The following KDM2B variants were observed in gnomAD, a reference collection of about 807,000 sequenced individuals.
KDM2B encodes the protein lysine demethylase 2B.
KDM2B carries 26 observed loss-of-function variants against 150.0 expected under a neutral mutation model. The ratio of observed to expected loss-of-function variants is 0.17; its 90% CI spans 0.13 to 0.24. KDM2B has a LOEUF of 0.24. Among genes scored for constraint, KDM2B ranks in the 10% least tolerant of loss-of-function variants. KDM2B has a pLI of 1.00. For missense variants in KDM2B, 1,265 were observed against 1,816.9 expected (o/e 0.70, Z 5.52); for synonymous variants, 734 against 729.5 (o/e 1.01, Z -0.10).
In KDM2B at chr12:121,467,163, C is replaced by A; in HGVS notation, c.1735-13819G>T. 6 of 1,123,712 alleles carry A rather than the reference C, an allele frequency of 5.3e-6. No individual in the cohort carries two copies. The highest frequency in any genetic ancestry group is 3.5e-5 in the South Asian group (2 of 56,910). The allele number at this position is 1,123,712 out of a possible 1,614,324, so 69.6% of individuals were successfully genotyped here. A position where few individuals can be genotyped will look rare whatever the true frequency, so the allele number is the denominator to read the frequency against. ...CCCCACCCCGGGCCGCCGACCTGGT[C>A]CGGCTCCGATTCATAGTCGTCGTCC... On this transcript the variant is annotated intron_variant, in intron 12 of 22. Coordinates refer to ENST00000377071, the MANE Select transcript of KDM2B (RefSeq NM_032590.5). The surrounding 1 kb of genome is among the most constrained non-coding windows in gnomAD (Gnocchi z 5.1).
chr12:121,495,896 G>A (rs1287767847), intron 11 of KDM2B, among the ~76,000 whole-genome samples: 1 of 151,646 alleles, frequency 6.6e-6, no homozygotes. Flanking sequence ...GGCTGCGTTG[G>A]ACGGACTGCC....
intron 22 of KDM2B, among the ~76,000 whole-genome samples, chr12:121,433,667 A>G (rs1472528194): frequency 3.3e-5 from 5 of 152,276 alleles, no homozygotes; most frequent in Non-Finnish European, 5.9e-5. Context: ...TACAGATTCA[A>G]TGAAATTGCT....
chr12:121,461,238 A>G (rs981216875), intron 12 of KDM2B, among the ~76,000 whole-genome samples: 8 of 152,152 alleles, frequency 5.3e-5, no homozygotes, highest in Non-Finnish European at 8.8e-5. Flanking sequence ...GAGATGTGAA[A>G]CTGCGTGACA....
downstream of KDM2B, among the ~76,000 whole-genome samples, chr12:121,426,544 C>G (rs1352872307): frequency 6.7e-6 from 1 of 148,834 alleles, no homozygotes; most frequent in East Asian, 2.0e-4. Flanking sequence ...CTTCTGGGCT[C>G]AAGCAGCCCT....
rs1020155742 is a variant in KDM2B at position 121,453,546 on chromosome 12, G to A, written c.1735-202C>T. On this transcript the variant is annotated intron_variant, in intron 12 of 22. Transcript: ENST00000377071. The surrounding 1 kb of genome is among the most constrained non-coding windows in gnomAD (Gnocchi z 6.4). ...GTTAAACGAGGTAATTCAGGTGAAC[G>A]CTAATCCAGTATGACTGGTGTCCTT... is the stretch of plus-strand genomic sequence containing the variant. 1.3e-5 allele frequency among the ~76,000 whole-genome samples: 2 copies of A among 152,220 alleles called. No individual in the cohort carries two copies. Among genetic ancestry groups the A allele is most frequent in the Non-Finnish European group, 2.9e-5 (2 of 68,040 alleles).
intron 12 of KDM2B, among the ~76,000 whole-genome samples, chr12:121,474,826 T>C (rs1881173509): frequency 6.6e-6 from 1 of 151,916 alleles, no homozygotes; most frequent in Admixed American, 6.6e-5. Context: ...GTGGTGCACA[T>C]CTGCAGTCCC....
intron 22 of KDM2B, 140 bp downstream of exon 22, chr12:121,439,717 C>T: frequency 1.5e-6 from 1 of 675,494 alleles, no homozygotes; most frequent in Non-Finnish European, 2.6e-6. Flanking sequence ...CCCCCCTGGA[C>T]TGGGCTGTCT....
chr12:121,546,775 G>A (rs1326817161), intron 6 of KDM2B, among the ~76,000 whole-genome samples: 1 of 149,728 alleles, frequency 6.7e-6, no homozygotes, highest in South Asian at 2.1e-4. Context: ...ATGCCATCTC[G>A]GCTCACTGTA....
intron 11 of KDM2B, among the ~76,000 whole-genome samples, chr12:121,502,782 A>C (rs1884695232): frequency 6.7e-6 from 1 of 149,212 alleles, no homozygotes; most frequent in East Asian, 1.9e-4. Flanking sequence ...AAAAAAAAAA[A>C]AAAAACTTAA....
chr12:121,477,134 G>GA (rs1555296914), intron 12 of KDM2B, among the ~76,000 whole-genome samples: 1 of 151,222 alleles, frequency 6.6e-6, no homozygotes, highest in African/African-American at 2.4e-5. Context: ...GTGCAGTGGT[G>GA]CCAATGATAG....
rs1170104503 is a variant in KDM2B, at chr12:121,453,408, A to G, written c.1735-64T>C. ...TGCAGGCACGGCCAGACCCCCGGAA[A>G]GGGTGTTAGGGAGCAAACTGTGTAC... On this transcript the variant is annotated intron_variant, in intron 12 of 22. Transcript: ENST00000377071. The surrounding 1 kb of genome is among the most constrained non-coding windows in gnomAD (Gnocchi z 6.4). 10 of 1,309,092 alleles carry G rather than the reference A, an allele frequency of 7.6e-6. No homozygotes were observed. Among genetic ancestry groups the G allele is most frequent in the Non-Finnish European group, 1.0e-5 (10 of 957,120 alleles). 81.1% of individuals were successfully genotyped at this position (1,309,092 alleles called of 1,614,324 possible). A position where few individuals can be genotyped will look rare whatever the true frequency, so the allele number is the denominator to read the frequency against.
chr12:121,526,460 G>C (rs1163319903), intron 8 of KDM2B, among the ~76,000 whole-genome samples: 1 of 152,208 alleles, frequency 6.6e-6, no homozygotes, highest in Non-Finnish European at 1.5e-5. Context: ...AGCTACTGGA[G>C]TTCAAAGTAG....
intron 12 of KDM2B, among the ~76,000 whole-genome samples, chr12:121,493,469 G>A (rs1389426746): frequency 6.6e-6 from 1 of 152,112 alleles, no homozygotes; most frequent in Non-Finnish European, 1.5e-5. Context: ...AAGCTGCGTG[G>A]AGGCAGACGG....
At chr12:121,500,764 T>C (rs1555301815) in intron 11 of KDM2B, among the ~76,000 whole-genome samples, 1 of 152,214 alleles carries the variant, frequency 6.6e-6, no homozygotes, top group East Asian at 1.9e-4. Flanking sequence ...AGCCCCACCG[T>C]CTGTGAAAAC....
chr12:121,577,389 G>C (rs1891569866), intron 2 of KDM2B, among the ~76,000 whole-genome samples: 1 of 152,192 alleles, frequency 6.6e-6, no homozygotes, highest in South Asian at 2.1e-4. Context: ...GGGAAGAAAG[G>C]AGAGGAATTA....
chr12:121,436,909 C>T (rs1478585368), intron 22 of KDM2B, among the ~76,000 whole-genome samples: 1 of 152,240 alleles, frequency 6.6e-6, no homozygotes, highest in Non-Finnish European at 1.5e-5. Flanking sequence ...CTCCCACTTA[C>T]TGTAGCAACA....
At chr12:121,514,115 G>C (rs1418334113) in intron 9 of KDM2B, among the ~76,000 whole-genome samples, 1 of 152,098 alleles carries the variant, frequency 6.6e-6, no homozygotes, top group African/African-American at 2.4e-5. Flanking sequence ...GACACATCTC[G>C]GGTCTGGAGC....
chr12:121,409,954 G>A, the KDM2B span, among the ~76,000 whole-genome samples: 2 of 152,000 alleles, frequency 1.3e-5, no homozygotes, highest in East Asian at 1.9e-4. Flanking sequence ...TCAGGAGTTC[G>A]AGACCAGCCT....
Position 121,549,439 on chromosome 12 carries a change from G to C in KDM2B, c.576+21C>G. The C allele has an allele frequency of 2.6e-6, 4 of 1,565,936 alleles. No homozygotes were observed. In the South Asian group the frequency reaches 4.7e-5, roughly 18 times the overall value. ...ATGAGGTGGAAGGTATCTGGGGAGG[G>C]TACCTGGGCCCCGGACCTACCACAG... On this transcript the variant is annotated intron_variant, in intron 5 of 22. Transcript: ENST00000377071. This position sits in a 1 kb window ranked among gnomAD's most constrained non-coding sequence, Gnocchi z 4.4.
Sources: allele counts gnomAD v4.1 joint callset (sites outside exome capture counted in the v4.1 genomes callset), GRCh38; gene constraint gnomAD v4.1.1; non-coding constraint Gnocchi (gnomAD v3.1); transcripts MANE v1.5; gene names NCBI Gene and HGNC (gene_info 2026-07-23, HGNC 2026-07-21).